Variants in ZNF396 observed in about 807,000 individuals in gnomAD.
The protein encoded by ZNF396 is zinc finger protein 396, also known as zinc finger and SCAN domain-containing protein 14.
In ZNF396, 14 loss-of-function variants were observed where a neutral mutation model predicts 20.5. The observed-to-expected ratio is 0.68, with a 90% CI of 0.45 to 1.07. The LOEUF (loss-of-function observed/expected upper bound fraction) is 1.07, where lower values mean the gene tolerates loss of function less well. ZNF396 is among the 50% of genes least tolerant of loss of function. The probability of loss-of-function intolerance (pLI) is 0.00; values close to 1 mark genes in which losing one functional copy is unlikely to be tolerated. For missense variants in ZNF396, 347 were observed against 390.1 expected, an observed-to-expected ratio of 0.89 and a Z score of 0.93; for synonymous variants, 119 against 140.6, an observed-to-expected ratio of 0.85 and a Z score of 1.08.
chr18:35,371,953 A>G lies in ZNF396; in HGVS notation c.562+1503T>C, dbSNP rs994311896. The G allele has an allele frequency of 2.6e-5, 4 of 152,218 alleles. No individual in the cohort carries two copies. In the East Asian group the frequency reaches 7.7e-4, roughly 29 times the overall value. The allele number at this position is 152,218 out of a possible 1,614,324, so 9.4% of individuals were successfully genotyped here. ...CATTACTATCAAAATCCTGGCATCA[A>G]TTAGTACTTTACAGTACTGAGACCA... On this transcript the variant is annotated intron_variant, in intron 3 of 3. Coordinates refer to ENST00000589332, the MANE Select transcript of ZNF396 (RefSeq NM_001322286.2).
At chr18:35,376,073 A>G (rs2045253307) in intron 1 of ZNF396, 1 of 152,196 alleles carries the variant, frequency 6.6e-6, no homozygotes, top group Non-Finnish European at 1.5e-5. Context: ...GGCAGGAGGT[A>G]TATGATAGTG....
At position 35,374,200 on chromosome 18, in the gene ZNF396, C is replaced by T. The variant is rs116297187; in HGVS notation, c.93G>A (p.Glu31=). 1.2e-6 allele frequency: 2 copies of T among 1,614,234 alleles called. No homozygotes were observed. The highest frequency in any genetic ancestry group is 8.5e-7 in the Non-Finnish European group (1 of 1,180,040). ...GGCTAGAGTCTGGATCACAGGTCTG[C>T]TCTTCCTCTTCCATCTTCTCTGTCA... ...GILTEKMEEE[E]QTCDPDSSLH... is the part of the protein sequence containing the mutation. Residue 31 remains glutamate, a synonymous_variant, in exon 2 of 4, where the codon GAG becomes GAA. Transcript: ENST00000589332. The surrounding 1 kb of genome is among the most constrained non-coding windows in gnomAD (Gnocchi z 4.3).
chr18:35,368,328 C>T lies in ZNF396; in HGVS notation c.*887G>A. 1 of 1,346,830 alleles carries T rather than the reference C, an allele frequency of 7.4e-7. No individual in the cohort carries two copies. Among genetic ancestry groups the T allele is most frequent in the Non-Finnish European group, 9.8e-7 (1 of 1,015,878 alleles). 83.4% of individuals were successfully genotyped at this position (1,346,830 alleles called of 1,614,324 possible). ...TTAATAGTATGGAGGCTCTTGTGTG[C>T]TTTCATAAGATAAGGCCTTTATTTA... On this transcript the variant is annotated 3_prime_UTR_variant, in exon 4 of 4. Coordinates refer to ENST00000589332, the MANE Select transcript of ZNF396 (RefSeq NM_001322286.2).
intron 3 of ZNF396, among the ~76,000 whole-genome samples, chr18:35,369,919 G>A (rs1005927923): frequency 1.3e-5 from 2 of 152,176 alleles, no homozygotes; most frequent in African/African-American, 4.8e-5. Flanking sequence ...AGAGACTAAG[G>A]AAAGTCTGGA....
rs939661760 is a variant in ZNF396, at chr18:35,373,557, G to C, written c.461C>G (p.Ala154Gly). ...RRKDMIAEKL[A>G]PSEITEELPS... ...CAATTCCTCAGTGATTTCTGAAGGT[G>C]CTAGCTTCTCTGCAATCATGTCCTT... is the stretch of plus-strand genomic sequence containing the variant. Residue 154 changes from alanine (A) to glycine (G), a missense_variant, in exon 3 of 4, where the codon GCA becomes GGA. Coordinates refer to ENST00000589332, the MANE Select transcript of ZNF396 (RefSeq NM_001322286.2). 5 of 1,614,132 alleles carry C rather than the reference G, an allele frequency of 3.1e-6. No homozygotes were observed. The highest frequency in any genetic ancestry group is 4.2e-6 in the Non-Finnish European group (5 of 1,180,004).
chr18:35,369,664 A>G lies in ZNF396; in HGVS notation c.563-4T>C. On this transcript the variant is annotated splice_polypyrimidine_tract_variant and splice_region_variant and intron_variant, in intron 3 of 3. Coordinates refer to ENST00000589332, the MANE Select transcript of ZNF396 (RefSeq NM_001322286.2). ...TTTGTAGTTTTGATGTCTTCATCTG[A>G]AATGGAAAAACAAATGTCACCAGGA... 1 of 1,582,178 alleles carries G rather than the reference A, an allele frequency of 6.3e-7. No individual in the cohort carries two copies. Among genetic ancestry groups the G allele is most frequent in the Non-Finnish European group, 8.6e-7 (1 of 1,168,192 alleles).
intron 1 of ZNF396, chr18:35,376,334 T>C (rs2143919823): frequency 6.6e-6 from 1 of 152,332 alleles, no homozygotes; most frequent in East Asian, 1.9e-4. Context: ...AGCACTGTTT[T>C]GAACACCTTA....
intron 3 of ZNF396, chr18:35,373,211 G>T: frequency 2.1e-6 from 1 of 474,834 alleles, no homozygotes; most frequent in East Asian, 3.4e-5. Flanking sequence ...ACTTTAAAAA[G>T]GCATGAAAAC....
Position 35,374,038 on chromosome 18 carries a change from C to T in ZNF396, c.255G>A (p.Val85=). 1 of 1,614,240 alleles carries T rather than the reference C, an allele frequency of 6.2e-7. No individual in the cohort carries two copies. Among genetic ancestry groups the T allele is most frequent in the Non-Finnish European group, 8.5e-7 (1 of 1,180,038 alleles). The change falls in exon 2 of 4, where the codon GTG becomes GTA. Residue 85 remains valine, a synonymous_variant. Transcript: ENST00000589332. The surrounding 1 kb of genome is among the most constrained non-coding windows in gnomAD (Gnocchi z 4.3). ...GCTCCAGGATCTGCTCCTTGGTGTG[C>T]ACTTCCGGCCTCAGCCAGAGATGAC... ...ELCHLWLRPE[V]HTKEQILELL...
chr18:35,370,027 GTACTGGAGTATCAA>G (rs1332137740), intron 3 of ZNF396, among the ~76,000 whole-genome samples: 4 of 152,144 alleles, frequency 2.6e-5, no homozygotes, highest in African/African-American at 9.7e-5. Flanking sequence ...ACAAGATTTA[GTACTGGAGTATCAA>G]TAAATAAATA....
Position 35,374,332 on chromosome 18 carries a change from C to G in ZNF396, c.-40G>C, listed in dbSNP as rs546399853. ...AGCTCAGTACTGTTAGGCTTTAATC[C>G]TCAAGGAGGTGAAGCTGTCCTGATG... On this transcript the variant is annotated 5_prime_UTR_variant, in exon 2 of 4. Transcript: ENST00000589332. This position sits in a 1 kb window ranked among gnomAD's most constrained non-coding sequence, Gnocchi z 4.3. 6.3e-7 allele frequency: 1 copy of G among 1,582,066 alleles called. No individual in the cohort carries two copies. The highest frequency in any genetic ancestry group is 8.6e-7 in the Non-Finnish European group (1 of 1,163,932).
rs1260913289 is a variant in ZNF396, at chr18:35,368,824, A to G, written c.*391T>C. ...TGCTCAAGTTATGAAATGGAGGAGA[A>G]TGTCTATTTTTACACTGAGTAACTC... On this transcript the variant is annotated 3_prime_UTR_variant, in exon 4 of 4. Transcript: ENST00000589332. 2 of 997,802 alleles carry G rather than the reference A, an allele frequency of 2.0e-6. No homozygotes were observed. The highest frequency in any genetic ancestry group is 1.0e-4 in the East Asian group (1 of 9,544). 61.8% of individuals were successfully genotyped at this position (997,802 alleles called of 1,614,324 possible).
rs374004274 is a variant in ZNF396, at chr18:35,369,460, C to T, written c.763G>A (p.Glu255Lys). 37 of 1,614,108 alleles carry T rather than the reference C, an allele frequency of 2.3e-5. No homozygotes were observed. The African/African-American group carries it at 4.0e-4, about 17-fold the overall frequency. ...CTCTGACTAAAGATTTTGCCACATT[C>T]ATCACATTTCTGTTGTTTTTTCCAA... ...PSWKKQQKCDECGKIFSQSSA... is the reference protein window; with the variant it reads ...PSWKKQQKCDKCGKIFSQSSA... The change falls in exon 4 of 4, where the codon GAA (glutamate) becomes AAA (lysine). Residue 255 changes from glutamate (E) to lysine (K), a missense_variant. Glu to Lys is a moderately conservative substitution (Grantham distance 56). Coordinates refer to ENST00000589332, the MANE Select transcript of ZNF396 (RefSeq NM_001322286.2).
Position 35,368,306 on chromosome 18 carries a change from A to C in ZNF396, c.*909T>G. 9.2e-7 allele frequency: 1 copy of C among 1,084,168 alleles called. No homozygotes were observed. Among genetic ancestry groups the C allele is most frequent in the Non-Finnish European group, 1.3e-6 (1 of 787,126 alleles). 67.2% of individuals were successfully genotyped at this position (1,084,168 alleles called of 1,614,324 possible). On this transcript the variant is annotated 3_prime_UTR_variant, in exon 4 of 4. Transcript: ENST00000589332. ...AACACGGGAAATTAACTTGATATTA[A>C]TAGTATGGAGGCTCTTGTGTGCTTT...
Position 35,369,009 on chromosome 18 carries a change from C to T in ZNF396, c.*206G>A, listed in dbSNP as rs1465685195. Reference sequence around the variant, plus strand: ...CTGAATTAAGCTTTGGAATTGCAAACGTCAGAATTGAGACTGCATTGATAA... The same window carrying T: ...CTGAATTAAGCTTTGGAATTGCAAATGTCAGAATTGAGACTGCATTGATAA... On this transcript the variant is annotated 3_prime_UTR_variant, in exon 4 of 4. Coordinates refer to ENST00000589332, the MANE Select transcript of ZNF396 (RefSeq NM_001322286.2). The T allele has an allele frequency of 1.7e-5, 23 of 1,333,726 alleles. No homozygotes were observed. Among genetic ancestry groups the T allele is most frequent in the Non-Finnish European group, 1.8e-5 (19 of 1,048,090 alleles). 82.6% of individuals were successfully genotyped at this position (1,333,726 alleles called of 1,614,324 possible). A position where few individuals can be genotyped will look rare whatever the true frequency, so the allele number is the denominator to read the frequency against.
Position 35,369,160 on chromosome 18 carries a change from G to A in ZNF396, c.*55C>T, listed in dbSNP as rs1598699611. The A allele has an allele frequency of 3.4e-6, 5 of 1,474,198 alleles. No homozygotes were observed. In the East Asian group the frequency reaches 1.2e-4, roughly 36 times the overall value. 91.3% of individuals were successfully genotyped at this position (1,474,198 alleles called of 1,614,324 possible). A position where few individuals can be genotyped will look rare whatever the true frequency, so the allele number is the denominator to read the frequency against. Reference sequence around the variant, plus strand: ...GTACTAAGGAGCGTTTGCATCTGGTGTCTTCCCTTGTGCTGAAATAGCTCT... The same window carrying A: ...GTACTAAGGAGCGTTTGCATCTGGTATCTTCCCTTGTGCTGAAATAGCTCT... On this transcript the variant is annotated 3_prime_UTR_variant, in exon 4 of 4. Transcript: ENST00000589332.
rs1015165775 is a variant in ZNF396, at chr18:35,368,257, T to C, written c.*958A>G. Reference sequence around the variant, plus strand: ...TCCATTGACTTATTTCCAAATTACATTGCAAAGGAGATTATTTTTTTCCAA... The same window carrying C: ...TCCATTGACTTATTTCCAAATTACACTGCAAAGGAGATTATTTTTTTCCAA... On this transcript the variant is annotated 3_prime_UTR_variant, in exon 4 of 4. Transcript: ENST00000589332. 29 of 629,376 alleles carry C rather than the reference T, an allele frequency of 4.6e-5. No individual in the cohort carries two copies. The African/African-American group carries it at 4.7e-4, about 10-fold the overall frequency. The allele number at this position is 629,376 out of a possible 1,614,324, so 39.0% of individuals were successfully genotyped here. A position where few individuals can be genotyped will look rare whatever the true frequency, so the allele number is the denominator to read the frequency against.
chr18:35,373,298 G>A, intron 3 of ZNF396, 158 bp downstream of exon 3: 2 of 817,226 alleles, frequency 2.4e-6, no homozygotes, highest in Non-Finnish European at 1.7e-6. Flanking sequence ...ACAAAATACT[G>A]AAGATCTTCA....
chr18:35,369,577 T>C lies in ZNF396; in HGVS notation c.646A>G (p.Asn216Asp). 1 of 1,614,208 alleles carries C rather than the reference T, an allele frequency of 6.2e-7. No individual in the cohort carries two copies. The highest frequency in any genetic ancestry group is 8.5e-7 in the Non-Finnish European group (1 of 1,180,036). ...TGGGAGCCATTCATATGAAGGATAT[T>C]GGAAACATTGCAATGCAGTTCTATG... Reference protein sequence around the residue: ...LGIELHCNVSNILHMNGSQSS... With the variant: ...LGIELHCNVSDILHMNGSQSS... The change falls in exon 4 of 4, where the codon AAT becomes GAT. Residue 216 changes from asparagine (N) to aspartate (D), a missense_variant. Physicochemically the swap from Asn to Asp is conservative, Grantham distance 23. Coordinates refer to ENST00000589332, the MANE Select transcript of ZNF396 (RefSeq NM_001322286.2).
Sources: gnomAD v4.1 joint callset for allele counts (sites outside exome capture counted in the v4.1 genomes callset) on GRCh38, gnomAD v4.1.1 for gene constraint, Gnocchi (gnomAD v3.1) non-coding constraint, MANE v1.5 for transcripts, NCBI Gene and HGNC (gene_info 2026-07-23, HGNC 2026-07-21) for gene names.